Variants in RGS7 observed in about 807,000 individuals in gnomAD.
The protein encoded by RGS7 is regulator of G-protein signaling 7.
In RGS7, 27 loss-of-function variants were observed where a neutral mutation model predicts 81.1. The observed-to-expected ratio is 0.33, with a 90% CI of 0.25 to 0.46. The LOEUF (loss-of-function observed/expected upper bound fraction) is 0.46, where lower values mean the gene tolerates loss of function less well. RGS7 is among the 20% of genes least tolerant of loss of function. RGS7 has a pLI of 1.00. For synonymous variants in RGS7, 208 were observed against 207.7 expected (o/e 1.00, Z -0.01); for missense variants, 396 against 607.4 (o/e 0.65, Z 3.66).
rs76861849 is a variant in RGS7 at position 241,275,107 on chromosome 1, C to T, written c.78+80592G>A. Reference sequence around the variant, plus strand: ...CACAAGCAAGCCAAGGCTGGTTCAGCAAAGCAATTTTGGAGACATCCCTCC... The same window carrying T: ...CACAAGCAAGCCAAGGCTGGTTCAGTAAAGCAATTTTGGAGACATCCCTCC... On this transcript the variant is annotated intron_variant, in intron 2 of 18. Transcript: ENST00000440928. Among the ~76,000 whole-genome samples the T allele has an allele frequency of 4.4e-3, 677 of 152,274 alleles. 3 individuals carry two copies. The highest frequency in any genetic ancestry group is 0.015 in the African/African-American group (625 of 41,544).
At chr1:241,353,124 A>G (rs576622600) in intron 2 of RGS7, among the ~76,000 whole-genome samples, 1 of 152,348 alleles carries the variant, frequency 6.6e-6, no homozygotes, top group East Asian at 1.9e-4. Context: ...GCAATGTCCT[A>G]TTGGAACTGA....
chr1:240,948,789 TG>T (rs1679073626), intron 4 of RGS7, among the ~76,000 whole-genome samples: 1 of 151,054 alleles, frequency 6.6e-6, no homozygotes, highest in South Asian at 2.1e-4. Context: ...CATCTCCAGA[TG>T]GCATCTGGAG....
intron 2 of RGS7, among the ~76,000 whole-genome samples, chr1:241,207,036 T>G (rs1007836961): frequency 1.5e-5 from 2 of 134,740 alleles, no homozygotes; most frequent in Non-Finnish European, 3.1e-5. Context: ...TGGTGCGATC[T>G]GGGCTCCCTG....
intron 6 of RGS7, among the ~76,000 whole-genome samples, chr1:240,879,094 A>G (rs896600302): frequency 6.6e-6 from 1 of 152,176 alleles, no homozygotes; most frequent in South Asian, 2.1e-4. Context: ...TCCTACCTTC[A>G]TTCCAGACTT....
At chr1:241,308,048 C>G (rs1008564024) in intron 2 of RGS7, among the ~76,000 whole-genome samples, 1 of 152,048 alleles carries the variant, frequency 6.6e-6, no homozygotes, top group Non-Finnish European at 1.5e-5. Context: ...AACAGCCTTA[C>G]CAAGGGGAAA....
chr1:241,205,509 G>A (rs1198870900), intron 2 of RGS7, among the ~76,000 whole-genome samples: 1 of 150,452 alleles, frequency 6.6e-6, no homozygotes, highest in Non-Finnish European at 1.5e-5. Flanking sequence ...TGTCTAGGCT[G>A]GAGTGCACTG....
intron 6 of RGS7, among the ~76,000 whole-genome samples, chr1:240,918,782 C>A (rs531481600): frequency 1.3e-5 from 2 of 151,408 alleles, no homozygotes; most frequent in African/African-American, 4.8e-5. Context: ...AGAAATTCAA[C>A]GAAACCAAAA....
chr1:240,824,131 C>G (rs1018268896), intron 10 of RGS7, among the ~76,000 whole-genome samples: 5 of 152,176 alleles, frequency 3.3e-5, no homozygotes, highest in African/African-American at 1.2e-4. Flanking sequence ...AAAGCCTTCG[C>G]TTCCTATATT....
chr1:241,222,592 G>A (rs1416959449), intron 2 of RGS7, among the ~76,000 whole-genome samples: 4 of 152,114 alleles, frequency 2.6e-5, no homozygotes, highest in Admixed American at 6.6e-5. Flanking sequence ...ATTATTAATA[G>A]TACCAAGAGG....
At chr1:241,141,854 C>T (rs2067942860) in intron 2 of RGS7, among the ~76,000 whole-genome samples, 1 of 152,140 alleles carries the variant, frequency 6.6e-6, no homozygotes, top group Non-Finnish European at 1.5e-5. Context: ...GTCCACAGTC[C>T]AAAGTCTCAT....
At chr1:241,305,528 C>G (rs1280826338) in intron 2 of RGS7, 2 of 139,522 alleles carry the variant, frequency 1.4e-5, no homozygotes, top group African/African-American at 2.6e-5. Context: ...CTCTTCCCAT[C>G]TTTTTTTTTT....
At chr1:240,897,111 G>A (rs987283301) in intron 6 of RGS7, among the ~76,000 whole-genome samples, 1 of 152,138 alleles carries the variant, frequency 6.6e-6, no homozygotes, top group African/African-American at 2.4e-5. Context: ...GAATGCTTGT[G>A]ATTTTTGTAC....
At chr1:240,914,046 A>G (rs1199361286) in intron 6 of RGS7, among the ~76,000 whole-genome samples, 1 of 147,756 alleles carries the variant, frequency 6.8e-6, no homozygotes, top group Non-Finnish European at 1.5e-5. Flanking sequence ...ATATCTCCCA[A>G]TGCTATCCCT....
intron 3 of RGS7, among the ~76,000 whole-genome samples, chr1:240,992,555 G>A (rs927513685): frequency 7.2e-5 from 11 of 151,960 alleles, no homozygotes; most frequent in Non-Finnish European, 1.6e-4. Flanking sequence ...AAGGCCAAGT[G>A]CTTTTGTGCC....
intron 3 of RGS7, among the ~76,000 whole-genome samples, chr1:241,033,121 T>C (rs2060161493): frequency 2.0e-5 from 3 of 152,214 alleles, no homozygotes; most frequent in African/African-American, 7.2e-5. Flanking sequence ...TTTGGAAGGC[T>C]GGACAGATCA....
chr1:240,851,765 T>G (rs1223022554), intron 9 of RGS7, among the ~76,000 whole-genome samples: 1 of 152,124 alleles, frequency 6.6e-6, no homozygotes, highest in Non-Finnish European at 1.5e-5. Flanking sequence ...ATTAAGGGAT[T>G]CAAGAGTTTG....
intron 6 of RGS7, chr1:240,920,552 C>A: frequency 1.2e-6 from 1 of 851,576 alleles, no homozygotes; most frequent in Non-Finnish European, 2.0e-6. Flanking sequence ...AACCATGAAA[C>A]TAAGGTGGCT....
chr1:241,058,036 C>A (rs560429756), intron 3 of RGS7, among the ~76,000 whole-genome samples: 26 of 152,026 alleles, frequency 1.7e-4, no homozygotes, highest in Admixed American at 2.6e-4. Flanking sequence ...TGTCACGCTG[C>A]CTCTCTAAAA....
chr1:241,223,371 A>T (rs1050556184), intron 2 of RGS7, among the ~76,000 whole-genome samples: 2 of 152,192 alleles, frequency 1.3e-5, no homozygotes, highest in African/African-American at 4.8e-5. Context: ...GATAAAGAAA[A>T]TGTCCTGATC....
Sources: allele counts gnomAD v4.1 joint callset (sites outside exome capture counted in the v4.1 genomes callset), GRCh38; gene constraint gnomAD v4.1.1; transcripts MANE v1.5; gene names NCBI Gene and HGNC (gene_info 2026-07-23, HGNC 2026-07-21).